Variants in TFEB observed in about 807,000 individuals in gnomAD.
TFEB encodes T-cell transcription factor EB.
A neutral mutation model predicts 48.0 loss-of-function variants in TFEB; 12 were observed. That is an observed-to-expected ratio of 0.25 (90% CI 0.16 to 0.40). TFEB has a LOEUF of 0.40. Ranked by LOEUF, TFEB falls within the 10% of genes least tolerant of loss-of-function variation. The pLI, the probability that TFEB is intolerant of heterozygous loss-of-function variation, is 1.00. For synonymous variants in TFEB, 244 were observed against 261.4 expected (o/e 0.93, Z 0.64); for missense variants, 509 against 640.3 (o/e 0.79, Z 2.21).
chr6:41,696,092 C>A (rs1039165888), intron 1 of TFEB, among the ~76,000 whole-genome samples: 1 of 152,248 alleles, frequency 6.6e-6, no homozygotes, highest in Non-Finnish European at 1.5e-5. Context: ...TCTACCACAG[C>A]CCCAGACAAG....
At position 41,734,164 on chromosome 6, in the gene TFEB, A is replaced by G. The variant is rs1771568149; in HGVS notation, c.-23+1186T>C. On this transcript the variant is annotated intron_variant, in intron 1 of 8. Coordinates refer to ENST00000373033, the MANE Select transcript of TFEB (RefSeq NM_001271944.2). This position sits in a 1 kb window ranked among gnomAD's most constrained non-coding sequence, Gnocchi z 4.0. ...AGCTCCGCGCTGAACCGTCCCCAGA[A>G]CAGACAGGCGAGAGAACGACGGCTG... The G allele has an allele frequency of 1.0e-5, 2 of 200,398 alleles. No individual in the cohort carries two copies. Among genetic ancestry groups the G allele is most frequent in the Non-Finnish European group, 1.8e-5 (2 of 112,058 alleles). 12.4% of individuals were successfully genotyped at this position (200,398 alleles called of 1,614,324 possible).
At chr6:41,716,963 A>G (rs918099742) in intron 1 of TFEB, among the ~76,000 whole-genome samples, 1 of 152,174 alleles carries the variant, frequency 6.6e-6, no homozygotes, top group African/African-American at 2.4e-5. Flanking sequence ...CTACATCACA[A>G]GCCAGGTGAC....
chr6:41,719,226 G>A lies in TFEB; in HGVS notation c.-23+16124C>T, dbSNP rs151305559. ...TCTCCCATCACCCCCAGATGGGACC[G>A]TCTAGTGGCAGGAAAACAAGCTCAG... On this transcript the variant is annotated intron_variant, in intron 1 of 8. Transcript: ENST00000373033. Among the ~76,000 whole-genome samples the A allele has an allele frequency of 6.3e-3, 958 of 152,238 alleles. 11 individuals carry two copies. Among genetic ancestry groups the A allele is most frequent in the African/African-American group, 0.021 (853 of 41,522 alleles).
intron 1 of TFEB, among the ~76,000 whole-genome samples, chr6:41,703,988 G>T (rs1770072213): frequency 6.6e-6 from 1 of 152,176 alleles, no homozygotes; most frequent in Non-Finnish European, 1.5e-5. Context: ...AGTCTGTCTG[G>T]AAAGTGCCAG....
intron 7 of TFEB, 94 bp from the exon 8 acceptor site, chr6:41,686,331 C>T: frequency 4.0e-6 from 6 of 1,494,454 alleles, no homozygotes; most frequent in Admixed American, 1.9e-5. Flanking sequence ...TGTGGCCTGT[C>T]CCAGTCTTAC....
intron 1 of TFEB, among the ~76,000 whole-genome samples, chr6:41,695,661 A>C (rs1421084064): frequency 1.3e-5 from 2 of 152,132 alleles, no homozygotes; most frequent in African/African-American, 4.8e-5. Context: ...CAGCACCCCA[A>C]ACTGTTCAGA....
Position 41,721,365 on chromosome 6 carries a change from GCACA to G in TFEB, c.-23+13981_-23+13984del, listed in dbSNP as rs1427485935. On this transcript the variant is annotated intron_variant, in intron 1 of 8. Coordinates refer to ENST00000373033, the MANE Select transcript of TFEB (RefSeq NM_001271944.2). Reference sequence around the variant, plus strand: ...AAAAATATACTTTATTTGACACTAGGCACACATACACACACACACACACACACAC... The same window carrying G: ...AAAAATATACTTTATTTGACACTAGGCATACACACACACACACACACACAC... 2.4e-3 allele frequency among the ~76,000 whole-genome samples: 310 copies of G among 127,404 alleles called. 3 individuals carry two copies. The highest frequency in any genetic ancestry group is 0.01 in the African/African-American group (298 of 28,400). The allele number at this position is 127,404 out of a possible 152,430, so 83.6% of individuals were successfully genotyped here.
Position 41,723,405 on chromosome 6 carries a change from ACACATGCTCACACACATG to A in TFEB, c.-23+11927_-23+11944del. 9.2e-7 allele frequency: 1 copy of A among 1,089,388 alleles called. No individual in the cohort carries two copies. The highest frequency in any genetic ancestry group is 1.2e-6 in the Non-Finnish European group (1 of 808,808). The allele number at this position is 1,089,388 out of a possible 1,614,324, so 67.5% of individuals were successfully genotyped here. ...CTAACACACATGGACACACATTCAC[ACACATGCTCACACACATG>A]CACACACTCACACACATGCACGCGT... is the stretch of plus-strand genomic sequence containing the variant. On this transcript the variant is annotated intron_variant, in intron 1 of 8. Transcript: ENST00000373033. This position sits in a 1 kb window ranked among gnomAD's most constrained non-coding sequence, Gnocchi z 6.0.
At chr6:41,707,629 G>A (rs370217901) in intron 1 of TFEB, among the ~76,000 whole-genome samples, 143 of 152,332 alleles carry the variant, frequency 9.4e-4, no homozygotes, top group African/African-American at 3.2e-3. Flanking sequence ...CCTATAGGGT[G>A]CGAGACCTGT....
intron 1 of TFEB, among the ~76,000 whole-genome samples, chr6:41,704,624 C>T (rs1289807335): frequency 1.3e-5 from 2 of 152,254 alleles, no homozygotes; most frequent in African/African-American, 4.8e-5. Context: ...GAGTCAGAAT[C>T]TGCATTTTAA....
At chr6:41,727,269 G>T (rs1385281569) in intron 1 of TFEB, among the ~76,000 whole-genome samples, 5 of 152,228 alleles carry the variant, frequency 3.3e-5, no homozygotes, top group African/African-American at 9.6e-5. Context: ...AAGGAAGGTG[G>T]CAGAGAAGGA....
chr6:41,693,091 C>T (rs369527998), intron 1 of TFEB, among the ~76,000 whole-genome samples: 1 of 150,626 alleles, frequency 6.6e-6, no homozygotes, highest in Non-Finnish European at 1.5e-5. Context: ...GACTGGCAGG[C>T]GAACTGATCA....
chr6:41,691,573 T>G lies in TFEB; in HGVS notation c.-22-338A>C. 1 of 486,006 alleles carries G rather than the reference T, an allele frequency of 2.1e-6. No individual in the cohort carries two copies. Among genetic ancestry groups the G allele is most frequent in the Non-Finnish European group, 3.8e-6 (1 of 260,188 alleles). The allele number at this position is 486,006 out of a possible 1,614,324, so 30.1% of individuals were successfully genotyped here. On this transcript the variant is annotated intron_variant, in intron 1 of 8. Coordinates refer to ENST00000373033, the MANE Select transcript of TFEB (RefSeq NM_001271944.2). The surrounding 1 kb of genome is among the most constrained non-coding windows in gnomAD (Gnocchi z 5.2). ...GATCCGACCTCATATCCACCCTCCT[T>G]TGCTGCCACAAGGTGGGCCCAGCCT...
Position 41,734,897 on chromosome 6 carries a change from T to C in TFEB, c.-23+453A>G, listed in dbSNP as rs536827903. 5.1e-6 allele frequency: 5 copies of C among 973,928 alleles called. No individual in the cohort carries two copies. Among genetic ancestry groups the C allele is most frequent in the East Asian group, 2.4e-4 (2 of 8,174 alleles). The allele number at this position is 973,928 out of a possible 1,614,324, so 60.3% of individuals were successfully genotyped here. A position where few individuals can be genotyped will look rare whatever the true frequency, so the allele number is the denominator to read the frequency against. Reference sequence around the variant, plus strand: ...AGACTCAGCCCCCGCACACCTCCCCTACCTCCGACCCCCTCTCAGGCATCG... The same window carrying C: ...AGACTCAGCCCCCGCACACCTCCCCCACCTCCGACCCCCTCTCAGGCATCG... On this transcript the variant is annotated intron_variant, in intron 1 of 8. Transcript: ENST00000373033. This position sits in a 1 kb window ranked among gnomAD's most constrained non-coding sequence, Gnocchi z 4.0.
rs758247939 is a variant in TFEB, at chr6:41,684,890, C to T, written c.1140G>A (p.Pro380=). The T allele has an allele frequency of 1.8e-5, 28 of 1,564,678 alleles. No individual in the cohort carries two copies. Among genetic ancestry groups the T allele is most frequent in the African/African-American group, 1.5e-4 (11 of 73,684 alleles). Residue 380 remains proline (P), a synonymous_variant, in exon 9 of 9, where the codon CCG becomes CCA. Coordinates refer to ENST00000373033, the MANE Select transcript of TFEB (RefSeq NM_001271944.2). ...ATGGTGGCTGGGTGGGCAGGGGCAG[C>T]GGGGCTTGCGGGGGCAGAGCTGGCA... The part of the protein sequence containing the change: ...EPLPALPPQA[P]LPLPTQPPSP...
chr6:41,734,279 A>T lies in TFEB; in HGVS notation c.-23+1071T>A. Reference sequence around the variant, plus strand: ...CCTGGGCCCAGCGGGGTTCGCGCAGACAAGCCCCGCCCCGGGCTCCCTCCC... The same window carrying T: ...CCTGGGCCCAGCGGGGTTCGCGCAGTCAAGCCCCGCCCCGGGCTCCCTCCC... On this transcript the variant is annotated intron_variant, in intron 1 of 8. Transcript: ENST00000373033. This position sits in a 1 kb window ranked among gnomAD's most constrained non-coding sequence, Gnocchi z 4.0. The T allele has an allele frequency of 1.1e-6, 1 of 914,854 alleles. No homozygotes were observed. Among genetic ancestry groups the T allele is most frequent in the Non-Finnish European group, 1.3e-6 (1 of 765,792 alleles). The allele number at this position is 914,854 out of a possible 1,614,324, so 56.7% of individuals were successfully genotyped here.
At position 41,723,686 on chromosome 6, in the gene TFEB, G is replaced by GCGCC. The variant is rs1771085504; in HGVS notation, c.-23+11660_-23+11663dup. On this transcript the variant is annotated intron_variant, in intron 1 of 8. Transcript: ENST00000373033. This position sits in a 1 kb window ranked among gnomAD's most constrained non-coding sequence, Gnocchi z 6.0. ...GATTACTCACAGCACAGAGGGAACT[G>GCGCC]CGCCCCGACGGCACAGTCCCACACC... 1 of 486,086 alleles carries GCGCC rather than the reference G, an allele frequency of 2.1e-6. No individual in the cohort carries two copies. The highest frequency in any genetic ancestry group is 3.4e-6 in the Non-Finnish European group (1 of 294,804). 30.1% of individuals were successfully genotyped at this position (486,086 alleles called of 1,614,324 possible).
intron 1 of TFEB, among the ~76,000 whole-genome samples, chr6:41,701,939 C>T (rs139896276): frequency 0.019 from 2,422 of 127,006 alleles, 55 homozygotes; most frequent in African/African-American, 0.066. Flanking sequence ...AGCAAGGCTC[C>T]GTCTCAAAAA....
intron 1 of TFEB, among the ~76,000 whole-genome samples, chr6:41,707,284 A>G (rs918989125): frequency 2.0e-5 from 3 of 151,986 alleles, no homozygotes; most frequent in Non-Finnish European, 4.4e-5. Flanking sequence ...GAGATGATAG[A>G]CTCGGGCTGC....
Sources: gnomAD v4.1 joint callset for allele counts (sites outside exome capture counted in the v4.1 genomes callset) on GRCh38, gnomAD v4.1.1 for gene constraint, Gnocchi (gnomAD v3.1) non-coding constraint, MANE v1.5 for transcripts, NCBI Gene and HGNC (gene_info 2026-07-23, HGNC 2026-07-21) for gene names.